The following FBXL18 variants were observed in gnomAD, a reference collection of about 807,000 sequenced individuals.
The protein encoded by FBXL18 is F-box and leucine rich repeat protein 18.
In FBXL18, 36 loss-of-function variants were observed where a neutral mutation model predicts 46.0. The observed-to-expected ratio is 0.78, with a 90% CI of 0.60 to 1.03. The LOEUF (loss-of-function observed/expected upper bound fraction) is 1.03. Among genes scored for constraint, FBXL18 ranks in the 50% least tolerant of loss-of-function variants. The pLI is 0.00. For missense variants in FBXL18, 977 were observed against 1,004.1 expected, an observed-to-expected ratio of 0.97 and a Z score of 0.36; for synonymous variants, 557 against 465.3, an observed-to-expected ratio of 1.20 and a Z score of -2.54.
chr7:5,474,686 T>TTTTTATTTA (rs1554317766), downstream of FBXL18, among the ~76,000 whole-genome samples: 1 of 39,396 alleles, frequency 2.5e-5, no homozygotes, highest in African/African-American at 9.8e-5. Flanking sequence ...GCACTTTATT[T>TTTTTATTTA]TTTATTTATT....
Position 5,513,720 on chromosome 7 carries a change from G to C in FBXL18, c.-46C>G. The C allele has an allele frequency of 1.3e-6, 2 of 1,588,494 alleles. No individual in the cohort carries two copies. The highest frequency in any genetic ancestry group is 1.7e-6 in the Non-Finnish European group (2 of 1,168,012). On this transcript the variant is annotated 5_prime_UTR_variant, in exon 1 of 5. Coordinates refer to ENST00000382368, the MANE Select transcript of FBXL18 (RefSeq NM_024963.6). The stretch of plus-strand genomic sequence containing the variant: ...GCGGCCGCGGGATCCGCAACCCCGT[G>C]CCTCCCACCTGCCCGGCTAGGGATG...
At chr7:5,457,722 C>G (rs1267273056) in intron 4 of FBXL18, among the ~76,000 whole-genome samples, 1 of 152,206 alleles carries the variant, frequency 6.6e-6, no homozygotes, top group Admixed American at 6.5e-5. Context: ...CCCCAAGTGG[C>G]CCCCATCAGC....
Position 5,513,724 on chromosome 7 carries a change from C to T in FBXL18, c.-50G>A. ...CCGCGGGATCCGCAACCCCGTGCCTCCCACCTGCCCGGCTAGGGATGCTCG... is the reference window on the plus strand; with the variant it reads ...CCGCGGGATCCGCAACCCCGTGCCTTCCACCTGCCCGGCTAGGGATGCTCG... On this transcript the variant is annotated 5_prime_UTR_variant, in exon 1 of 5. Coordinates refer to ENST00000382368, the MANE Select transcript of FBXL18 (RefSeq NM_024963.6). 1 of 1,583,992 alleles carries T rather than the reference C, an allele frequency of 6.3e-7. No individual in the cohort carries two copies. The highest frequency in any genetic ancestry group is 1.1e-5 in the South Asian group (1 of 87,280).
rs975862978 is a variant in FBXL18, at chr7:5,480,439, CTCTT to C, written c.*1332_*1335del. ...ATTTTTGGAATAACTTTGTTTTTTT[CTCTT>C]TCTTTTTCAGAGATGGGGTATCCCT... is the stretch of plus-strand genomic sequence containing the variant. On this transcript the variant is annotated 3_prime_UTR_variant, in exon 5 of 5. Coordinates refer to ENST00000382368, the MANE Select transcript of FBXL18 (RefSeq NM_024963.6). 2 of 150,974 alleles carry C rather than the reference CTCTT, an allele frequency of 1.3e-5. No homozygotes were observed. Among genetic ancestry groups the C allele is most frequent in the African/African-American group, 4.9e-5 (2 of 40,894 alleles). 9.4% of individuals were successfully genotyped at this position (150,974 alleles called of 1,614,324 possible). A position where few individuals can be genotyped will look rare whatever the true frequency, so the allele number is the denominator to read the frequency against.
chr7:5,512,497 C>T (rs919410225), intron 1 of FBXL18, among the ~76,000 whole-genome samples: 6 of 152,020 alleles, frequency 3.9e-5, no homozygotes, highest in Admixed American at 2.6e-4. Context: ...CACGTGTAAC[C>T]CCAGCTACTT....
intron 4 of FBXL18, 119 bp downstream of exon 4, chr7:5,491,112 C>G (rs1584217176): frequency 2.1e-6 from 2 of 933,080 alleles, no homozygotes; most frequent in East Asian, 5.3e-5. Context: ...CTGTCACTGC[C>G]TGGTGCTCGT....
intron 4 of FBXL18, among the ~76,000 whole-genome samples, chr7:5,463,720 A>ATTTT (rs1562672240): frequency 3.2e-5 from 2 of 63,284 alleles, no homozygotes; most frequent in African/African-American, 6.7e-5. Context: ...TTATTTATTT[A>ATTTT]TTTATTTATT....
intron 4 of FBXL18, among the ~76,000 whole-genome samples, chr7:5,464,594 C>T (rs966626994): frequency 3.0e-5 from 4 of 132,386 alleles, no homozygotes; most frequent in African/African-American, 8.5e-5. Flanking sequence ...ACCCAGGAGA[C>T]GAATGTTGCA....
rs369591063 is a variant in FBXL18 at position 5,481,303 on chromosome 7, G to A, written c.*472C>T. The stretch of plus-strand genomic sequence containing the variant: ...CATGCAAGGGGACACTCAGATACAC[G>A]GTGACCAGCCCGGCCGACTGGACTT... On this transcript the variant is annotated 3_prime_UTR_variant, in exon 5 of 5. Coordinates refer to ENST00000382368, the MANE Select transcript of FBXL18 (RefSeq NM_024963.6). The A allele has an allele frequency of 3.9e-3, 672 of 171,996 alleles. 1 individual carries two copies. Among genetic ancestry groups the A allele is most frequent in the Middle Eastern group, 8.9e-3 (3 of 336 alleles). The allele number at this position is 171,996 out of a possible 1,614,324, so 10.7% of individuals were successfully genotyped here. A position where few individuals can be genotyped will look rare whatever the true frequency, so the allele number is the denominator to read the frequency against.
intron 1 of FBXL18, among the ~76,000 whole-genome samples, chr7:5,511,531 G>A (rs1249209171): frequency 1.1e-5 from 1 of 91,378 alleles, no homozygotes; most frequent in African/African-American, 3.0e-5. Flanking sequence ...GCTTGAACCT[G>A]GGAAGCAGAG....
chr7:5,493,215 C>T (rs1210569867), intron 3 of FBXL18, among the ~76,000 whole-genome samples: 1 of 152,168 alleles, frequency 6.6e-6, no homozygotes, highest in Non-Finnish European at 1.5e-5. Flanking sequence ...CGCACCTGTA[C>T]TCCCAGCTAC....
intron 2 of FBXL18, among the ~76,000 whole-genome samples, chr7:5,505,191 T>G (rs1784363856): frequency 6.6e-6 from 1 of 151,994 alleles, no homozygotes; most frequent in Non-Finnish European, 1.5e-5. Flanking sequence ...CCCAGAACCA[T>G]GTCCACATAC....
At chr7:5,484,576 A>G (rs942134311) in intron 4 of FBXL18, among the ~76,000 whole-genome samples, 1 of 151,618 alleles carries the variant, frequency 6.6e-6, no homozygotes, top group African/African-American at 2.4e-5. Flanking sequence ...GCAGTGGCAC[A>G]ATCATAGCTC....
chr7:5,508,720 A>G (rs930001380), intron 1 of FBXL18, among the ~76,000 whole-genome samples: 2 of 152,170 alleles, frequency 1.3e-5, no homozygotes, highest in African/African-American at 4.8e-5. Context: ...CTTTATCAGA[A>G]CCAGAGACAA....
intron 3 of FBXL18, among the ~76,000 whole-genome samples, chr7:5,495,409 G>A (rs950914697): frequency 6.6e-6 from 1 of 152,158 alleles, no homozygotes; most frequent in Non-Finnish European, 1.5e-5. Context: ...AGGGTGACAC[G>A]CTCCCCCGCC....
At chr7:5,474,040 A>G (rs200527058), downstream of FBXL18, among the ~76,000 whole-genome samples, 4 of 152,000 alleles carry the variant, frequency 2.6e-5, no homozygotes, top group East Asian at 7.9e-4. Context: ...CAGGTGATCC[A>G]CCAGCCTTGG....
chr7:5,493,328 G>A (rs1474387357), intron 3 of FBXL18, among the ~76,000 whole-genome samples: 1 of 152,166 alleles, frequency 6.6e-6, no homozygotes, highest in African/African-American at 2.4e-5. Context: ...GAGCAAGACA[G>A]TCTCGATCTG....
Position 5,501,469 on chromosome 7 carries a change from A to ATGAGGAAGGCGTGGAGGTTC in FBXL18, c.780_799dup (p.Ile267ArgfsTer43). 1 of 1,613,790 alleles carries ATGAGGAAGGCGTGGAGGTTC rather than the reference A, an allele frequency of 6.2e-7. No individual in the cohort carries two copies. The highest frequency in any genetic ancestry group is 1.7e-5 in the Admixed American group (1 of 60,010). On this transcript the variant is annotated frameshift_variant, in exon 3 of 5. Transcript: ENST00000382368. LOFTEE classifies it high-confidence loss of function. ...CTCCGCGAAGCTGCCAGGGACGGAG[A>ATGAGGAAGGCGTGGAGGTTC]TGAGGAAGGCGTGGAGGTTCTGAGG...
At chr7:5,486,756 C>G (rs934049925) in intron 4 of FBXL18, among the ~76,000 whole-genome samples, 11 of 152,216 alleles carry the variant, frequency 7.2e-5, no homozygotes, top group Non-Finnish European at 1.3e-4. Context: ...TCAAAAAAGG[C>G]AGCGCGGTCA....
Sources: gnomAD v4.1 joint callset for allele counts (sites outside exome capture counted in the v4.1 genomes callset) on GRCh38, gnomAD v4.1.1 for gene constraint, MANE v1.5 for transcripts, NCBI Gene and HGNC (gene_info 2026-07-23, HGNC 2026-07-21) for gene names.